Variants in PDE4D observed in about 807,000 individuals in gnomAD.
PDE4D encodes the protein phosphodiesterase 4D.
PDE4D carries 24 observed loss-of-function variants against 87.4 expected under a neutral mutation model. The ratio of observed to expected loss-of-function variants is 0.27; its 90% confidence interval spans 0.20 to 0.39. The LOEUF (loss-of-function observed/expected upper bound fraction) is 0.39, where lower values mean the gene tolerates loss of function less well. PDE4D is among the 10% of genes least tolerant of loss of function. PDE4D has a pLI of 1.00. For synonymous variants in PDE4D, 384 were observed against 383.2 expected (o/e 1.00, Z -0.02); for missense variants, 714 against 1,041.0 (o/e 0.69, Z 4.32).
intron 1 of PDE4D, among the ~76,000 whole-genome samples, chr5:60,281,851 C>A (rs1000684583): frequency 2.6e-5 from 4 of 151,836 alleles, no homozygotes; most frequent in Non-Finnish European, 5.9e-5. Flanking sequence ...CCAGCCTGGG[C>A]AAGAGCAAAA....
At chr5:59,768,448 G>A (rs1476574278) in intron 1 of PDE4D, 7 of 1,598,284 alleles carry the variant, frequency 4.4e-6, no homozygotes, top group Non-Finnish European at 5.9e-6. Context: ...CCACGGGTTT[G>A]GACAATGCGG....
chr5:60,394,801 A>G (rs1218630600), intron 1 of PDE4D, among the ~76,000 whole-genome samples: 1 of 152,194 alleles, frequency 6.6e-6, no homozygotes, highest in African/African-American at 2.4e-5. Context: ...TTCTTCAGGG[A>G]TGGAGCAGCA....
intron 5 of PDE4D, among the ~76,000 whole-genome samples, chr5:59,114,586 C>G (rs1773251262): frequency 6.6e-6 from 1 of 151,752 alleles, no homozygotes; most frequent in Non-Finnish European, 1.5e-5. Flanking sequence ...TAAGAATGCA[C>G]AAGTCAGTCT....
chr5:59,075,510 C>A (rs16889161), intron 5 of PDE4D, among the ~76,000 whole-genome samples: 7,237 of 149,608 alleles, frequency 0.048, 587 homozygotes, highest in African/African-American at 0.17. Context: ...CAAAAAAAAA[C>A]CTCATTCTGG....
At chr5:59,893,092 C>G in intron 1 of PDE4D, 76 bp downstream of exon 1, 1 of 1,422,344 alleles carries the variant, frequency 7.0e-7, no homozygotes, top group Non-Finnish European at 9.5e-7. Context: ...TGGTGATAAG[C>G]CGACTTAGAT....
intron 1 of PDE4D, among the ~76,000 whole-genome samples, chr5:59,622,153 C>T (rs75079531): frequency 0.016 from 2,474 of 152,022 alleles, 59 homozygotes; most frequent in African/African-American, 0.055. Flanking sequence ...GAGTTCTTTC[C>T]GCTACACTAT....
intron 1 of PDE4D, among the ~76,000 whole-genome samples, chr5:60,344,777 T>G (rs544647825): frequency 7.2e-4 from 109 of 152,292 alleles, no homozygotes; most frequent in African/African-American, 2.5e-3. Context: ...AACACTCATC[T>G]ATATAGTCTT....
At chr5:59,792,086 A>T (rs1018069630) in intron 1 of PDE4D, among the ~76,000 whole-genome samples, 3 of 152,234 alleles carry the variant, frequency 2.0e-5, no homozygotes, top group African/African-American at 7.2e-5. Flanking sequence ...AAGCAGTGAC[A>T]ACAGAACTCA....
At chr5:60,356,146 C>T (rs1308202070) in intron 1 of PDE4D, among the ~76,000 whole-genome samples, 2 of 152,136 alleles carry the variant, frequency 1.3e-5, no homozygotes, top group African/African-American at 2.4e-5. Flanking sequence ...CCCAGAGCCG[C>T]GTGTCAGTCT....
intron 1 of PDE4D, among the ~76,000 whole-genome samples, chr5:60,362,642 A>C (rs933724904): frequency 2.0e-5 from 3 of 152,082 alleles, no homozygotes; most frequent in African/African-American, 7.2e-5. Flanking sequence ...TGGATCACCT[A>C]AGGTCAGGAG....
At chr5:59,985,123 C>CATTTTTTT (rs1561944275) in intron 3 of PDE4D, among the ~76,000 whole-genome samples, 1 of 80,244 alleles carries the variant, frequency 1.2e-5, no homozygotes, top group East Asian at 6.8e-4. Context: ...CTTCACCTTT[C>CATTTTTTT]GTTTTTTGTT....
chr5:59,992,263 C>T (rs1379600632), intron 2 of PDE4D, among the ~76,000 whole-genome samples: 2 of 152,186 alleles, frequency 1.3e-5, no homozygotes, highest in African/African-American at 2.4e-5. Context: ...CAACATGCTT[C>T]TACAGAGTGA....
intron 4 of PDE4D, among the ~76,000 whole-genome samples, chr5:59,183,718 G>T (rs572422416): frequency 6.6e-6 from 1 of 152,138 alleles, no homozygotes; most frequent in Non-Finnish European, 1.5e-5. Flanking sequence ...GACATTGCAC[G>T]GCCACGTTAC....
At chr5:59,552,480 A>T (rs1818282338) in intron 1 of PDE4D, among the ~76,000 whole-genome samples, 1 of 152,150 alleles carries the variant, frequency 6.6e-6, no homozygotes, top group Non-Finnish European at 1.5e-5. Context: ...CAACTTCCCA[A>T]ACAAATATTA....
intron 1 of PDE4D, among the ~76,000 whole-genome samples, chr5:59,455,548 T>A (rs1419723601): frequency 6.6e-6 from 1 of 152,232 alleles, no homozygotes; most frequent in African/African-American, 2.4e-5. Flanking sequence ...GAACCTCTGC[T>A]ATGGCACTGT....
intron 3 of PDE4D, among the ~76,000 whole-genome samples, chr5:59,967,105 T>G (rs1419341710): frequency 1.3e-5 from 2 of 152,178 alleles, no homozygotes; most frequent in Non-Finnish European, 2.9e-5. Context: ...TTCATTTTCT[T>G]TTCATACCAC....
chr5:60,344,359 T>C (rs1286056556), intron 1 of PDE4D, among the ~76,000 whole-genome samples: 1 of 152,024 alleles, frequency 6.6e-6, no homozygotes, highest in East Asian at 1.9e-4. Flanking sequence ...TTAGTTTTGG[T>C]TCTTGATTTT....
chr5:59,182,576 A>AT (rs1317008965), intron 4 of PDE4D, among the ~76,000 whole-genome samples: 1 of 151,854 alleles, frequency 6.6e-6, no homozygotes, highest in East Asian at 1.9e-4. Flanking sequence ...GAAACCATTG[A>AT]TTTTGTCTGG....
intron 1 of PDE4D, among the ~76,000 whole-genome samples, chr5:59,767,139 C>A (rs1056479349): frequency 2.0e-5 from 3 of 149,626 alleles, no homozygotes. Flanking sequence ...CTCCTAAAAG[C>A]CTTGTTTCTG....
Sources: gnomAD v4.1 joint callset for allele counts (sites outside exome capture counted in the v4.1 genomes callset) on GRCh38, gnomAD v4.1.1 for gene constraint, MANE v1.5 for transcripts, NCBI Gene and HGNC (gene_info 2026-07-23, HGNC 2026-07-21) for gene names.